The following SFXN4 variants were observed in gnomAD, a reference collection of about 807,000 sequenced individuals.
SFXN4 encodes the protein sideroflexin-4.
In SFXN4, 48 loss-of-function variants were observed where a neutral mutation model predicts 54.6. The ratio of observed to expected loss-of-function variants is 0.88; its 90% CI spans 0.70 to 1.12. SFXN4 has a LOEUF of 1.12. Ranked by LOEUF, SFXN4 falls within the 50% of genes most tolerant of loss-of-function variation. The pLI is 0.00. For missense variants in SFXN4, 383 were observed against 409.2 expected, an observed-to-expected ratio of 0.94 and a Z score of 0.55; for synonymous variants, 130 against 145.5, an observed-to-expected ratio of 0.89 and a Z score of 0.77.
chr10:119,161,981 A>G (rs1283423681), intron 3 of SFXN4, among the ~76,000 whole-genome samples: 3 of 152,226 alleles, frequency 2.0e-5, no homozygotes, highest in African/African-American at 7.2e-5. Flanking sequence ...CCTGCAGTGG[A>G]GAATGAATTC....
chr10:119,154,048 C>T lies in SFXN4; in HGVS notation c.732+1014G>A, dbSNP rs537976149. Among the ~76,000 whole-genome samples, 13 of 152,016 alleles carry T rather than the reference C, an allele frequency of 8.6e-5. No homozygotes were observed. In the South Asian group the frequency reaches 1.0e-3, roughly 12 times the overall value. ...CAAAAATTGGCTGGGCGTGGTGGTACGCACCTGTAATCCCAGCTACTCAGG... is the reference window on the plus strand; with the variant it reads ...CAAAAATTGGCTGGGCGTGGTGGTATGCACCTGTAATCCCAGCTACTCAGG... On this transcript the variant is annotated intron_variant, in intron 11 of 13. Coordinates refer to ENST00000355697, the MANE Select transcript of SFXN4 (RefSeq NM_213649.2).
chr10:119,154,940 T>C (rs965738550), intron 11 of SFXN4, 122 bp downstream of exon 11: 3 of 660,496 alleles, frequency 4.5e-6, no homozygotes, highest in African/African-American at 3.6e-5. Flanking sequence ...TCTCTCAGCA[T>C]GCTAAGGAAA....
chr10:119,151,436 G>T (rs572806204), intron 11 of SFXN4, among the ~76,000 whole-genome samples: 1 of 118,268 alleles, frequency 8.5e-6, no homozygotes, highest in South Asian at 3.3e-4. Context: ...GGGTGGGGGT[G>T]GGCATTTGGG....
At chr10:119,145,529 C>T (rs930885635) in intron 13 of SFXN4, among the ~76,000 whole-genome samples, 4 of 152,008 alleles carry the variant, frequency 2.6e-5, no homozygotes, top group African/African-American at 9.7e-5. Context: ...CTCTTGAATT[C>T]CTGATCTCAA....
chr10:119,146,789 A>G (rs1449648418), intron 12 of SFXN4, among the ~76,000 whole-genome samples: 4 of 152,038 alleles, frequency 2.6e-5, no homozygotes, highest in African/African-American at 9.7e-5. Flanking sequence ...GATGGTCTAG[A>G]ACTCCTGACC....
intron 5 of SFXN4, 47 bp downstream of exon 5, chr10:119,160,868 G>A: frequency 6.3e-7 from 1 of 1,597,376 alleles, no homozygotes; most frequent in Non-Finnish European, 8.6e-7. Context: ...CTAAGTGTTA[G>A]AAACTACATC....
intron 2 of SFXN4, among the ~76,000 whole-genome samples, chr10:119,162,814 G>A (rs1355065134): frequency 6.6e-6 from 1 of 151,900 alleles, no homozygotes; most frequent in African/African-American, 2.4e-5. Flanking sequence ...TGTTTTTTAA[G>A]AGACAGGGTC....
In SFXN4 at chr10:119,162,464, T is replaced by A. The variant is rs751562075; in HGVS notation, c.178-50A>T. The A allele has an allele frequency of 4.7e-6, 7 of 1,498,524 alleles. No homozygotes were observed. The South Asian group carries it at 7.9e-5, about 17-fold the overall frequency. The allele number at this position is 1,498,524 out of a possible 1,614,324, so 92.8% of individuals were successfully genotyped here. A position where few individuals can be genotyped will look rare whatever the true frequency, so the allele number is the denominator to read the frequency against. ...AGTAATGATCTCAACATTGTTCAGG[T>A]TTATCCCCAGAGGTAGGAATCACCA... On this transcript the variant is annotated intron_variant, in intron 2 of 13. Transcript: ENST00000355697.
At chr10:119,145,408 A>T (rs768220446) in intron 13 of SFXN4, among the ~76,000 whole-genome samples, 2 of 146,404 alleles carry the variant, frequency 1.4e-5, no homozygotes, top group Non-Finnish European at 3.0e-5. Flanking sequence ...CTACCTCCCC[A>T]GGTTCAAGCG....
chr10:119,158,124 C>A, intron 6 of SFXN4, 62 bp from the exon 7 acceptor site: 3 of 1,492,504 alleles, frequency 2.0e-6, no homozygotes, highest in Non-Finnish European at 2.8e-6. Flanking sequence ...CTTGCAGTAG[C>A]AAAGAACTTT....
intron 6 of SFXN4, among the ~76,000 whole-genome samples, chr10:119,158,997 G>A (rs959305956): frequency 6.9e-5 from 10 of 145,870 alleles, no homozygotes; most frequent in East Asian, 4.2e-4. Flanking sequence ...AACAAAAAAC[G>A]GTCCAGGCAT....
At chr10:119,150,145 G>A (rs1339851606) in intron 11 of SFXN4, among the ~76,000 whole-genome samples, 3 of 138,266 alleles carry the variant, frequency 2.2e-5, no homozygotes, top group Non-Finnish European at 5.0e-5. Context: ...AGAAAAAAAA[G>A]ACCTTTTTTT....
intron 13 of SFXN4, among the ~76,000 whole-genome samples, chr10:119,144,004 T>C (rs1223233699): frequency 6.6e-6 from 1 of 152,148 alleles, no homozygotes; most frequent in Non-Finnish European, 1.5e-5. Flanking sequence ...AATCTGAAAC[T>C]TCTACGTTGT....
chr10:119,165,661 G>C lies in SFXN4; in HGVS notation c.-14C>G, dbSNP rs1336576286. The C allele has an allele frequency of 3.9e-6, 6 of 1,551,310 alleles. No individual in the cohort carries two copies. The highest frequency in any genetic ancestry group is 5.2e-6 in the Non-Finnish European group (6 of 1,154,654). ...TTCCAGGGACATTTTGCGCTGGTTA[G>C]AGTGGCCGCCGCCGCCAGGCCGCGC... On this transcript the variant is annotated 5_prime_UTR_variant, in exon 1 of 14. Coordinates refer to ENST00000355697, the MANE Select transcript of SFXN4 (RefSeq NM_213649.2).
chr10:119,144,182 C>T (rs140945525), intron 13 of SFXN4, among the ~76,000 whole-genome samples: 439 of 152,220 alleles, frequency 2.9e-3, no homozygotes, highest in African/African-American at 0.01. Context: ...ATCAGCCGGG[C>T]GTGGTGGCTC....
chr10:119,159,827 C>T (rs984292251), intron 5 of SFXN4, 74 bp from the exon 6 acceptor site: 1 of 1,459,770 alleles, frequency 6.9e-7, no homozygotes, highest in African/African-American at 1.4e-5. Flanking sequence ...GGGGACTACC[C>T]ACCTGAACAC....
rs762712666 is a variant in SFXN4 at position 119,158,087 on chromosome 10, G to A, written c.361-25C>T. Reference sequence around the variant, plus strand: ...CCTTTTAAGAAGACAGTGGAACAGAGTTACAAGTGTTGCTGTGGAAGGAGA... The same window carrying A: ...CCTTTTAAGAAGACAGTGGAACAGAATTACAAGTGTTGCTGTGGAAGGAGA... On this transcript the variant is annotated intron_variant, in intron 6 of 13. Transcript: ENST00000355697. 6 of 1,608,856 alleles carry A rather than the reference G, an allele frequency of 3.7e-6. No individual in the cohort carries two copies. The East Asian group carries it at 8.9e-5, about 24-fold the overall frequency.
At chr10:119,144,262 C>T (rs1217476399) in intron 13 of SFXN4, among the ~76,000 whole-genome samples, 1 of 152,068 alleles carries the variant, frequency 6.6e-6, no homozygotes, top group East Asian at 1.9e-4. Flanking sequence ...CGAGACCATC[C>T]TGGCTAACAT....
At chr10:119,159,591 C>T in intron 6 of SFXN4, 137 bp downstream of exon 6, 1 of 894,778 alleles carries the variant, frequency 1.1e-6, no homozygotes, top group Non-Finnish European at 1.9e-6. Flanking sequence ...CATGGGTTAT[C>T]AGTGGGGATC....
Sources: gnomAD v4.1 joint callset for allele counts (sites outside exome capture counted in the v4.1 genomes callset) on GRCh38, gnomAD v4.1.1 for gene constraint, MANE v1.5 for transcripts, NCBI Gene and HGNC (gene_info 2026-07-23, HGNC 2026-07-21) for gene names.